Variants in NSD3 observed in about 807,000 individuals in gnomAD.
The protein encoded by NSD3 is histone-lysine N-methyltransferase NSD3.
NSD3 carries 24 observed loss-of-function variants against 160.8 expected under a neutral mutation model. The observed-to-expected ratio is 0.15, with a 90% CI of 0.11 to 0.21. The LOEUF (loss-of-function observed/expected upper bound fraction) is 0.21. Among genes scored for constraint, NSD3 ranks in the 10% least tolerant of loss-of-function variants. The pLI is 1.00. For synonymous variants in NSD3, 520 were observed against 600.0 expected, an observed-to-expected ratio of 0.87 and a Z score of 1.95; for missense variants, 1,157 against 1,735.9, an observed-to-expected ratio of 0.67 and a Z score of 5.93.
At chr8:38,363,663 A>G (rs930848691) in intron 1 of NSD3, among the ~76,000 whole-genome samples, 8 of 149,260 alleles carry the variant, frequency 5.4e-5, no homozygotes, top group East Asian at 3.9e-4. Flanking sequence ...AAAAAAAAAA[A>G]GGGAAGGAAA....
intron 15 of NSD3, among the ~76,000 whole-genome samples, chr8:38,297,107 C>T (rs533792720): frequency 6.6e-6 from 1 of 152,258 alleles, no homozygotes. Flanking sequence ...ACATAAGTCT[C>T]TTCTGACTTC....
At chr8:38,374,315 G>A (rs1237110938) in intron 1 of NSD3, among the ~76,000 whole-genome samples, 1 of 151,890 alleles carries the variant, frequency 6.6e-6, no homozygotes, top group Non-Finnish European at 1.5e-5. Context: ...TATATCTTAG[G>A]AAATATGTAT....
In NSD3 at chr8:38,347,929, T is replaced by G. The variant is rs1810576182; in HGVS notation, c.243A>C (p.Glu81Asp). Residue 81 changes from glutamate to aspartate, a missense_variant, in exon 2 of 24, where the codon GAA (glutamate) becomes GAC (aspartate). Glu to Asp is a conservative substitution (Grantham distance 45, BLOSUM62 2). Transcript: ENST00000317025. ...TATATGACTGGTATTTGGTTTGAGT[T>G]TCATACACACTGATTGATGATGGAT... is the stretch of plus-strand genomic sequence containing the variant. The part of the protein sequence containing the change: ...NGYPSSISVY[E>D]TQTKYQSYNQ... The G allele has an allele frequency of 6.2e-7, 1 of 1,614,104 alleles. No individual in the cohort carries two copies. Among genetic ancestry groups the G allele is most frequent in the South Asian group, 1.1e-5 (1 of 91,088 alleles).
intron 1 of NSD3, among the ~76,000 whole-genome samples, chr8:38,370,708 T>G (rs1439833662): frequency 6.6e-6 from 1 of 152,156 alleles, no homozygotes; most frequent in African/African-American, 2.4e-5. Context: ...CTGGAAATGT[T>G]CTAAAATTGA....
At position 38,278,350 on chromosome 8, in the gene NSD3, A is replaced by G. The variant is rs1193432882; in HGVS notation, c.3823T>C (p.Cys1275Arg). The stretch of plus-strand genomic sequence containing the variant: ...AAACCACTGCAGTTATCTGCTCCAC[A>G]GTGGCACTCCGTTCTGCCGTTGCCC... Reference protein sequence around the residue: ...CLGNGRTECHCGADNCSGFLG... With the variant: ...CLGNGRTECHRGADNCSGFLG... The change falls in exon 22 of 24, where the codon TGT (cysteine) becomes CGT (arginine). Residue 1275 changes from cysteine (C) to arginine (R), a missense_variant. Physicochemically the swap from Cys to Arg is radical, Grantham distance 180. Coordinates refer to ENST00000317025, the MANE Select transcript of NSD3 (RefSeq NM_023034.2). 1 of 1,613,994 alleles carries G rather than the reference A, an allele frequency of 6.2e-7. No individual in the cohort carries two copies. The highest frequency in any genetic ancestry group is 8.5e-7 in the Non-Finnish European group (1 of 1,180,038).
intron 6 of NSD3, 112 bp from the exon 7 acceptor site, chr8:38,326,968 G>T: frequency 8.7e-7 from 1 of 1,153,890 alleles, no homozygotes; most frequent in Non-Finnish European, 1.2e-6. Flanking sequence ...AATTTTATAT[G>T]GTCTTTGATT....
chr8:38,338,020 G>A (rs1810265742), intron 3 of NSD3, among the ~76,000 whole-genome samples: 3 of 152,076 alleles, frequency 2.0e-5, no homozygotes, highest in South Asian at 2.1e-4. Context: ...ACACATGATC[G>A]GCCAGGCGCG....
chr8:38,299,492 A>G lies in NSD3; in HGVS notation c.2710T>C (p.Leu904=), dbSNP rs2131004423. The G allele has an allele frequency of 6.2e-7, 1 of 1,613,864 alleles. No homozygotes were observed. Among genetic ancestry groups the G allele is most frequent in the Non-Finnish European group, 8.5e-7 (1 of 1,179,886 alleles). Residue 904 remains leucine (L), a synonymous_variant, in exon 15 of 24, where the codon TTA becomes CTA. Coordinates refer to ENST00000317025, the MANE Select transcript of NSD3 (RefSeq NM_023034.2). ...NESNRAELMK[L]PMIPSSSASK... ...GCTGACGAAGAAGGAATCATAGGTA[A>G]TTTCATCAACTCAGCACGATTTGAT...
chr8:38,340,468 A>G (rs934076573), intron 2 of NSD3, among the ~76,000 whole-genome samples: 3 of 152,046 alleles, frequency 2.0e-5, no homozygotes, highest in Non-Finnish European at 4.4e-5. Flanking sequence ...CTCCTGAGAA[A>G]CTGGGAATAC....
rs766366602 is a variant in NSD3, at chr8:38,329,893, T to C, written c.1066A>G (p.Ile356Val). The change falls in exon 6 of 24, where the codon ATT (isoleucine) becomes GTT (valine). Residue 356 changes from isoleucine (I) to valine (V), a missense_variant and splice_region_variant. By Grantham distance (29) the Ile-to-Val change is conservative. This residue lies in a region of NSD3 where 168 missense variants were observed against 208.1 expected (regional missense o/e 0.81). Coordinates refer to ENST00000317025, the MANE Select transcript of NSD3 (RefSeq NM_023034.2). The surrounding 1 kb of genome is among the most constrained non-coding windows in gnomAD (Gnocchi z 4.8). ...TCTCTCTGAGGTCGGGGTTTCCGAATCTTTAAAAAAGATAGAGATTATCAG... is the reference window on the plus strand; with the variant it reads ...TCTCTCTGAGGTCGGGGTTTCCGAACCTTTAAAAAAGATAGAGATTATCAG... The part of the protein sequence containing the change: ...QASNHSEKQK[I>V]RKPRPQRERA... The C allele has an allele frequency of 6.4e-7, 1 of 1,566,788 alleles. No homozygotes were observed. Among genetic ancestry groups the C allele is most frequent in the Non-Finnish European group, 8.6e-7 (1 of 1,162,622 alleles).
intron 2 of NSD3, among the ~76,000 whole-genome samples, chr8:38,341,436 G>C (rs548290255): frequency 1.3e-5 from 2 of 152,066 alleles, no homozygotes; most frequent in South Asian, 4.2e-4. Context: ...TACTTGGGAG[G>C]CTAAGGCAGA....
At chr8:38,320,263 T>C (rs1035724887) in intron 8 of NSD3, 5 of 152,140 alleles carry the variant, frequency 3.3e-5, no homozygotes, top group Non-Finnish European at 7.4e-5. Flanking sequence ...CATTCTTCCA[T>C]ATAAATGGTT....
At chr8:38,293,867 G>A (rs1398194306) in intron 16 of NSD3, among the ~76,000 whole-genome samples, 1 of 121,894 alleles carries the variant, frequency 8.2e-6, no homozygotes, top group African/African-American at 3.1e-5. Context: ...GGGTTACAGT[G>A]AGCAGAGATC....
chr8:38,326,768 T>C lies in NSD3; in HGVS notation c.1670A>G (p.Gln557Arg). 6.2e-7 allele frequency: 1 copy of C among 1,614,104 alleles called. No individual in the cohort carries two copies. Among genetic ancestry groups the C allele is most frequent in the African/African-American group, 1.3e-5 (1 of 75,054 alleles). Residue 557 changes from glutamine to arginine, a missense_variant, in exon 7 of 24, where the codon CAG becomes CGG. By Grantham distance (43) the Gln-to-Arg change is conservative (BLOSUM62 1). Coordinates refer to ENST00000317025, the MANE Select transcript of NSD3 (RefSeq NM_023034.2). ...TPNQRNEKPTQSVSSPEATSG... is the reference protein window; with the variant it reads ...TPNQRNEKPTRSVSSPEATSG... ...TGTTGCTTCAGGAGATGATACACTC[T>C]GCGTTGGCTTTTCATTTCTCTGGTT... is the stretch of plus-strand genomic sequence containing the variant.
intron 4 of NSD3, among the ~76,000 whole-genome samples, chr8:38,335,085 G>A (rs1452967900): frequency 6.6e-6 from 1 of 151,520 alleles, no homozygotes; most frequent in Non-Finnish European, 1.5e-5. Flanking sequence ...CACCTCCTGG[G>A]TTCAAGTGAT....
chr8:38,299,644 A>G (rs1450129095), intron 14 of NSD3, 54 bp from the exon 15 acceptor site: 13 of 1,452,446 alleles, frequency 9.0e-6, no homozygotes, highest in African/African-American at 1.4e-5. Context: ...CCATGATTCC[A>G]TGAGGAAAAA....
At chr8:38,276,232 T>C (rs1808599379) in intron 23 of NSD3, 64 bp downstream of exon 23, 3 of 1,533,334 alleles carry the variant, frequency 2.0e-6, no homozygotes, top group South Asian at 1.1e-5. Flanking sequence ...ATGGAATATA[T>C]TGTGAGTTAC....
At chr8:38,292,554 G>C (rs1398383315) in intron 16 of NSD3, among the ~76,000 whole-genome samples, 3 of 151,924 alleles carry the variant, frequency 2.0e-5, no homozygotes, top group Non-Finnish European at 4.4e-5. Context: ...AGGCCAAGGC[G>C]GGTGTATCAC....
rs186461014 is a variant in NSD3, at chr8:38,334,492, C to T, written c.910+2813G>A. On this transcript the variant is annotated intron_variant, in intron 4 of 23. Transcript: ENST00000317025. Reference sequence around the variant, plus strand: ...TGAATTGGCCAGGAGCAGTGGCTTACGCCTTTAATCCCAGCACTTTGGGAG... The same window carrying T: ...TGAATTGGCCAGGAGCAGTGGCTTATGCCTTTAATCCCAGCACTTTGGGAG... Among the ~76,000 whole-genome samples the T allele has an allele frequency of 2.2e-3, 338 of 152,260 alleles. 3 individuals carry two copies. The highest frequency in any genetic ancestry group is 7.6e-3 in the African/African-American group (315 of 41,552).
Sources: allele counts gnomAD v4.1 joint callset (sites outside exome capture counted in the v4.1 genomes callset), GRCh38; gene constraint gnomAD v4.1.1; regional missense constraint gnomAD v4.1.1; non-coding constraint Gnocchi (gnomAD v3.1); transcripts MANE v1.5; gene names NCBI Gene and HGNC (gene_info 2026-07-23, HGNC 2026-07-21).